Variants in ACOXL observed in about 807,000 individuals in gnomAD.
ACOXL encodes the protein acyl-coenzyme A oxidase-like protein.
ACOXL carries 70 observed loss-of-function variants against 71.9 expected under a neutral mutation model. The observed-to-expected ratio is 0.97, with a 90% confidence interval of 0.80 to 1.19. The LOEUF (loss-of-function observed/expected upper bound fraction) is 1.19. Among genes scored for constraint, ACOXL ranks in the 50% most tolerant of loss-of-function variants. The probability of loss-of-function intolerance (pLI) is 0.00; values close to 1 mark genes in which losing one functional copy is unlikely to be tolerated. For synonymous variants in ACOXL, 253 were observed against 281.6 expected (o/e 0.90, Z 1.02); for missense variants, 703 against 736.3 (o/e 0.95, Z 0.52).
At chr2:111,026,960 G>A (rs907274548) in intron 14 of ACOXL, among the ~76,000 whole-genome samples, 1 of 152,080 alleles carries the variant, frequency 6.6e-6, no homozygotes, top group Non-Finnish European at 1.5e-5. Flanking sequence ...GCAGTGATAC[G>A]ATCATGGCTC....
intron 12 of ACOXL, among the ~76,000 whole-genome samples, chr2:110,950,610 T>C (rs368200729): frequency 3.9e-5 from 6 of 152,214 alleles, no homozygotes; most frequent in African/African-American, 1.4e-4. Flanking sequence ...GCCAGTTCAG[T>C]CCAGAAGGAT....
intron 2 of ACOXL, among the ~76,000 whole-genome samples, chr2:110,773,978 G>A (rs187179495): frequency 1.8e-3 from 271 of 152,298 alleles, no homozygotes; most frequent in Non-Finnish European, 3.5e-4. Flanking sequence ...CCTGCCCTGG[G>A]ATTCCAGTGC....
chr2:110,914,754 C>T (rs1474665932), intron 11 of ACOXL, among the ~76,000 whole-genome samples: 2 of 152,160 alleles, frequency 1.3e-5, no homozygotes, highest in Non-Finnish European at 1.5e-5. Context: ...TTGTTCTTGA[C>T]TTCAGGTGAA....
chr2:110,816,396 T>C lies in ACOXL; in HGVS notation c.753+11001T>C, dbSNP rs1458797244. On this transcript the variant is annotated intron_variant, in intron 9 of 17. Transcript: ENST00000439055. ...TGGGTCATCTGGTGGCATTTAAATG[T>C]ATTATTGGCCCTGGAATCATGAATT... Among the ~76,000 whole-genome samples, 4 of 152,182 alleles carry C rather than the reference T, an allele frequency of 2.6e-5. No homozygotes were observed. The South Asian group carries it at 6.2e-4, about 24-fold the overall frequency.
At chr2:110,761,669 G>A (rs1048402102) in intron 1 of ACOXL, among the ~76,000 whole-genome samples, 3 of 152,168 alleles carry the variant, frequency 2.0e-5, no homozygotes, top group African/African-American at 7.2e-5. Flanking sequence ...AGTTGCTGAT[G>A]GTTTGCTTCC....
chr2:110,958,656 A>T lies in ACOXL; in HGVS notation c.1059+25014A>T, dbSNP rs1167780273. Among the ~76,000 whole-genome samples the T allele has an allele frequency of 3.9e-5, 6 of 152,332 alleles. No homozygotes were observed. The East Asian group carries it at 1.2e-3, about 29-fold the overall frequency. ...AACCAAATCCCCAGGGCACTGAGGG[A>T]TCCCATGGGCAGCAGATGGAAGGAA... On this transcript the variant is annotated intron_variant, in intron 12 of 17. Coordinates refer to ENST00000439055, the MANE Select transcript of ACOXL (RefSeq NM_001142807.4).
intron 2 of ACOXL, among the ~76,000 whole-genome samples, chr2:110,780,329 A>G (rs1683170155): frequency 6.6e-6 from 1 of 152,234 alleles, no homozygotes; most frequent in South Asian, 2.1e-4. Context: ...GAGAAACTAG[A>G]ACTCTCATTC....
intron 16 of ACOXL, among the ~76,000 whole-genome samples, chr2:111,075,370 T>C (rs1407434860): frequency 6.6e-6 from 1 of 152,158 alleles, no homozygotes; most frequent in African/African-American, 2.4e-5. Flanking sequence ...CCAAATTATG[T>C]GTGTAAGGTT....
chr2:111,044,045 A>G (rs192119283), intron 15 of ACOXL, among the ~76,000 whole-genome samples: 10 of 152,064 alleles, frequency 6.6e-5, no homozygotes, highest in African/African-American at 2.2e-4. Context: ...AAGAAAATCT[A>G]CTCTGCCCTC....
chr2:110,835,543 C>T (rs1470983423), intron 9 of ACOXL, among the ~76,000 whole-genome samples: 1 of 152,178 alleles, frequency 6.6e-6, no homozygotes, highest in Non-Finnish European at 1.5e-5. Context: ...GCTGGTCTCC[C>T]GTGAGCACCA....
At chr2:110,862,567 C>T (rs1161275294) in intron 10 of ACOXL, among the ~76,000 whole-genome samples, 1 of 152,226 alleles carries the variant, frequency 6.6e-6, no homozygotes, top group Admixed American at 6.5e-5. Context: ...TAGCTGCCTT[C>T]TGGGCTCTAG....
chr2:111,103,093 C>A (rs923921139), intron 17 of ACOXL, among the ~76,000 whole-genome samples: 1 of 152,204 alleles, frequency 6.6e-6, no homozygotes, highest in Middle Eastern at 3.4e-3. Context: ...GAGTTCAAGA[C>A]CAGCCTGGCC....
At chr2:110,888,119 G>A (rs1697526880) in intron 10 of ACOXL, 2 of 152,074 alleles carry the variant, frequency 1.3e-5, no homozygotes, top group Admixed American at 6.6e-5. Flanking sequence ...ACAATCTCAG[G>A]CATTTGCTTT....
intron 10 of ACOXL, among the ~76,000 whole-genome samples, chr2:110,848,823 T>C (rs1401244077): frequency 6.6e-6 from 1 of 152,226 alleles, no homozygotes; most frequent in African/African-American, 2.4e-5. Flanking sequence ...AGAGGATCTT[T>C]CGCAAACACA....
chr2:110,783,641 G>A (rs1287607188), intron 2 of ACOXL, among the ~76,000 whole-genome samples: 3 of 152,074 alleles, frequency 2.0e-5, no homozygotes, highest in African/African-American at 4.8e-5. Context: ...GCACACACAC[G>A]TGTGCATACA....
chr2:111,035,603 G>A (rs889463122), intron 15 of ACOXL, among the ~76,000 whole-genome samples: 5 of 152,142 alleles, frequency 3.3e-5, no homozygotes, highest in African/African-American at 1.2e-4. Context: ...CCTCTTTCTG[G>A]TTCTTAATAA....
Position 110,804,348 on chromosome 2 carries a change from A to G in ACOXL, c.621-915A>G, listed in dbSNP as rs114412674. On this transcript the variant is annotated intron_variant, in intron 8 of 17. Transcript: ENST00000439055. ...TTGGGGAGGATGTAGAGAAATTAGG[A>G]CTGTTTGTTATACATTGCTGGTGGG... 2.3e-3 allele frequency among the ~76,000 whole-genome samples: 356 copies of G among 152,216 alleles called. 1 individual carries two copies. Among genetic ancestry groups the G allele is most frequent in the African/African-American group, 8.3e-3 (346 of 41,542 alleles).
At chr2:110,911,580 A>T (rs2059651558) in intron 11 of ACOXL, among the ~76,000 whole-genome samples, 1 of 152,130 alleles carries the variant, frequency 6.6e-6, no homozygotes, top group African/African-American at 2.4e-5. Context: ...AAAACAACAT[A>T]CTACACTGTG....
intron 16 of ACOXL, among the ~76,000 whole-genome samples, chr2:111,075,487 T>G (rs2067555159): frequency 6.6e-6 from 1 of 152,076 alleles, no homozygotes; most frequent in South Asian, 2.1e-4. Flanking sequence ...CTTTGTAAAT[T>G]TGTTAGAACT....
Sources: gnomAD v4.1 joint callset for allele counts (sites outside exome capture counted in the v4.1 genomes callset) on GRCh38, gnomAD v4.1.1 for gene constraint, MANE v1.5 for transcripts, NCBI Gene and HGNC (gene_info 2026-07-23, HGNC 2026-07-21) for gene names.